The following MARS1 variants were observed in gnomAD, a reference collection of about 807,000 sequenced individuals.
MARS1 encodes the protein methionine--tRNA ligase, cytoplasmic.
MARS1 carries 80 observed loss-of-function variants against 119.5 expected under a neutral mutation model. The observed-to-expected ratio is 0.67, with a 90% CI of 0.56 to 0.81. MARS1 has a LOEUF of 0.81. MARS1 is among the 30% of genes least tolerant of loss of function. The probability of loss-of-function intolerance (pLI) is 0.00; values close to 1 mark genes in which losing one functional copy is unlikely to be tolerated. For missense variants in MARS1, 945 were observed against 1,116.5 expected (o/e 0.85, Z 2.19); for synonymous variants, 418 against 433.4 (o/e 0.96, Z 0.44).
intron 11 of MARS1, among the ~76,000 whole-genome samples, chr12:57,509,004 A>G (rs940503532): frequency 1.6e-4 from 25 of 152,040 alleles, no homozygotes; most frequent in Admixed American, 1.6e-3. Flanking sequence ...TACTCTCTAT[A>G]TTTATCCTTC....
At chr12:57,491,074 G>A (rs1296507496) in intron 7 of MARS1, among the ~76,000 whole-genome samples, 1 of 151,686 alleles carries the variant, frequency 6.6e-6, no homozygotes, top group East Asian at 1.9e-4. Context: ...TCACCATGTT[G>A]CCCAGACAGG....
intron 7 of MARS1, among the ~76,000 whole-genome samples, chr12:57,493,704 A>T (rs1299700872): frequency 9.8e-4 from 1 of 1,024 alleles, no homozygotes. Flanking sequence ...TATATATTAT[A>T]ATATATTATA....
rs747002983 is a variant in MARS1, at chr12:57,489,247, G to A, written c.201-20G>A. ...ATGGGCCCCTCTAAGTCCATCATCT[G>A]TTGCTCTCTCTCTGGGCAGATATTT... is the stretch of plus-strand genomic sequence containing the variant. On this transcript the variant is annotated intron_variant, in intron 2 of 20. Coordinates refer to ENST00000262027, the MANE Select transcript of MARS1 (RefSeq NM_004990.4). 3.1e-6 allele frequency: 5 copies of A among 1,612,772 alleles called. No homozygotes were observed. The highest frequency in any genetic ancestry group is 1.3e-5 in the African/African-American group (1 of 74,866).
chr12:57,489,564 T>G lies in MARS1; in HGVS notation c.414+6T>G. The G allele has an allele frequency of 6.2e-7, 1 of 1,613,906 alleles. No homozygotes were observed. Among genetic ancestry groups the G allele is most frequent in the Non-Finnish European group, 8.5e-7 (1 of 1,179,986 alleles). On this transcript the variant is annotated splice_donor_region_variant and intron_variant, in intron 4 of 20. Transcript: ENST00000262027. Reference sequence around the variant, plus strand: ...ACTGTCCTTTCCTGGCTGGGGTGAGTTGGGTCTTGAGATGAGGACTGGGGA... The same window carrying G: ...ACTGTCCTTTCCTGGCTGGGGTGAGGTGGGTCTTGAGATGAGGACTGGGGA...
intron 7 of MARS1, among the ~76,000 whole-genome samples, chr12:57,495,523 G>A (rs950119558): frequency 5.3e-5 from 8 of 152,040 alleles, no homozygotes; most frequent in East Asian, 1.9e-4. Context: ...CAGACTGGGC[G>A]GCCAGGCAGA....
At position 57,493,316 on chromosome 12, in the gene MARS1, A is replaced by G. The variant is rs1445907401; in HGVS notation, c.770+2672A>G. On this transcript the variant is annotated intron_variant, in intron 7 of 20. Coordinates refer to ENST00000262027, the MANE Select transcript of MARS1 (RefSeq NM_004990.4). Reference sequence around the variant, plus strand: ...AGTATATATATATAATATATATTATATAATATATTATATATAATATATGTT... The same window carrying G: ...AGTATATATATATAATATATATTATGTAATATATTATATATAATATATGTT... Among the ~76,000 whole-genome samples the G allele has an allele frequency of 2.0e-4, 21 of 104,730 alleles. 1 individual carries two copies. The highest frequency in any genetic ancestry group is 1.1e-3 in the Admixed American group (7 of 6,430). The allele number at this position is 104,730 out of a possible 152,430, so 68.7% of individuals were successfully genotyped here.
chr12:57,493,812 ATATTATATATATTATATTATATAT>A (rs1428263645), intron 7 of MARS1, among the ~76,000 whole-genome samples: 158 of 1,210 alleles, frequency 0.13, 56 homozygotes, highest in East Asian at 1. Context: ...TATATAATGT[ATATTATATATATTATATTATATAT>A]TATAATATAT....
intron 16 of MARS1, 46 bp from the exon 17 acceptor site, chr12:57,514,907 TG>T (rs986962374): frequency 9.9e-6 from 16 of 1,613,710 alleles, no homozygotes; most frequent in Non-Finnish European, 1.4e-5. Context: ...CTCCTTGTAT[TG>T]GTCTCTGTAG....
At chr12:57,495,489 G>C (rs940852931) in intron 7 of MARS1, among the ~76,000 whole-genome samples, 14 of 151,370 alleles carry the variant, frequency 9.2e-5, no homozygotes, top group Non-Finnish European at 1.2e-4. Flanking sequence ...GGTTGACGGC[G>C]GGGAAGAGGC....
chr12:57,515,371 A>G (rs1190142058), intron 18 of MARS1, 35 bp downstream of exon 18: 3 of 1,596,046 alleles, frequency 1.9e-6, no homozygotes, highest in African/African-American at 2.7e-5. Context: ...TAAAATTGAT[A>G]CTCTTGCCAT....
chr12:57,513,923 C>T (rs927897552), intron 15 of MARS1, among the ~76,000 whole-genome samples: 1 of 151,120 alleles, frequency 6.6e-6, no homozygotes, highest in African/African-American at 2.4e-5. Context: ...AGTAGCCGGG[C>T]GTGGTGGCGC....
intron 10 of MARS1, among the ~76,000 whole-genome samples, chr12:57,502,038 G>T (rs1027947256): frequency 5.8e-4 from 89 of 152,216 alleles, no homozygotes; most frequent in African/African-American, 1.9e-3. Flanking sequence ...AGGCAACAAG[G>T]CTACAACCCA....
intron 15 of MARS1, among the ~76,000 whole-genome samples, chr12:57,514,456 C>T (rs572491903): frequency 3.9e-5 from 6 of 152,228 alleles, no homozygotes; most frequent in African/African-American, 4.8e-5. Context: ...CCACTGCGCC[C>T]GGCCGAGTAA....
Position 57,490,286 on chromosome 12 carries a change from G to A in MARS1, c.570G>A (p.Leu190=). Residue 190 remains leucine, a synonymous_variant, in exon 6 of 21, where the codon CTG becomes CTA. Transcript: ENST00000262027. ...EPCQRAAETV[L]KQQGVLALRP... The stretch of plus-strand genomic sequence containing the variant: ...GTCAGCGAGCTGCAGAGACTGTACT[G>A]AAACAGCAAGGTGTCCTGGCTCTCC... The A allele has an allele frequency of 6.2e-7, 1 of 1,613,386 alleles. No individual in the cohort carries two copies. The highest frequency in any genetic ancestry group is 8.5e-7 in the Non-Finnish European group (1 of 1,180,042).
At chr12:57,496,170 G>T (rs1369068723) in intron 7 of MARS1, among the ~76,000 whole-genome samples, 1 of 148,028 alleles carries the variant, frequency 6.8e-6, no homozygotes, top group Non-Finnish European at 1.5e-5. Context: ...GGCAATATAA[G>T]CACTTTCTTT....
At position 57,490,254 on chromosome 12, in the gene MARS1, G is replaced by A; in HGVS notation, c.538G>A (p.Glu180Lys). Residue 180 changes from glutamate (E) to lysine (K), a missense_variant, in exon 6 of 21, where the codon GAA becomes AAA. By Grantham distance (56) the Glu-to-Lys change is moderately conservative. Coordinates refer to ENST00000262027, the MANE Select transcript of MARS1 (RefSeq NM_004990.4). The stretch of plus-strand genomic sequence containing the variant: ...CTGGTTCCAGACACTGAGTACCCAG[G>A]AACCATGTCAGCGAGCTGCAGAGAC... ...HSWFQTLSTQEPCQRAAETVL... is the reference protein window; with the variant it reads ...HSWFQTLSTQKPCQRAAETVL... 3 of 1,613,844 alleles carry A rather than the reference G, an allele frequency of 1.9e-6. No homozygotes were observed. Among genetic ancestry groups the A allele is most frequent in the Middle Eastern group, 1.7e-4 (1 of 5,800 alleles).
chr12:57,493,776 T>TATATATTATATATATA lies in MARS1; in HGVS notation c.770+3145_770+3146insATAATATATTATATAT, dbSNP rs1876344526. 4.3e-3 allele frequency among the ~76,000 whole-genome samples: 3 copies of TATATATTATATATATA among 700 alleles called. 1 individual carries two copies. Among genetic ancestry groups the TATATATTATATATATA allele is most frequent in the Non-Finnish European group, 6.7e-3 (2 of 300 alleles). 0.5% of individuals were successfully genotyped at this position (700 alleles called of 152,430 possible). A position where few individuals can be genotyped will look rare whatever the true frequency, so the allele number is the denominator to read the frequency against. ...ATTATATTATATATATTATATATAA[T>TATATATTATATATATA]ATATATTATATATTATATATTATAT... On this transcript the variant is annotated intron_variant, in intron 7 of 20. Coordinates refer to ENST00000262027, the MANE Select transcript of MARS1 (RefSeq NM_004990.4).
At chr12:57,514,892 A>G in intron 16 of MARS1, 41 bp downstream of exon 16, 1 of 1,613,258 alleles carries the variant, frequency 6.2e-7, no homozygotes, top group Non-Finnish European at 8.5e-7. Context: ...TGGCATGTTG[A>G]GAGCCTCCTT....
Position 57,490,430 on chromosome 12 carries a change from A to G in MARS1, c.663+51A>G, listed in dbSNP as rs1370760846. On this transcript the variant is annotated intron_variant, in intron 6 of 20. Coordinates refer to ENST00000262027, the MANE Select transcript of MARS1 (RefSeq NM_004990.4). ...GCCTGAGGTGGGAGGTGGCTAGGAGATGGACTTTGAGCATGGCCACTAACT... is the reference window on the plus strand; with the variant it reads ...GCCTGAGGTGGGAGGTGGCTAGGAGGTGGACTTTGAGCATGGCCACTAACT... The G allele has an allele frequency of 3.7e-6, 6 of 1,610,242 alleles. No homozygotes were observed. In the African/African-American group the frequency reaches 4.0e-5, roughly 11 times the overall value.
Sources: gnomAD v4.1 joint callset for allele counts (sites outside exome capture counted in the v4.1 genomes callset) on GRCh38, gnomAD v4.1.1 for gene constraint, MANE v1.5 for transcripts, NCBI Gene and HGNC (gene_info 2026-07-23, HGNC 2026-07-21) for gene names.